Variants in DOCK10 observed in about 807,000 individuals in gnomAD.
The protein encoded by DOCK10 is dedicator of cytokinesis protein 10.
DOCK10 carries 145 observed loss-of-function variants against 280.1 expected under a neutral mutation model. The ratio of observed to expected loss-of-function variants is 0.52; its 90% confidence interval spans 0.45 to 0.59. The LOEUF (loss-of-function observed/expected upper bound fraction) is 0.59. Among genes scored for constraint, DOCK10 ranks in the 20% least tolerant of loss-of-function variants. The probability of loss-of-function intolerance (pLI) is 0.00; values close to 1 mark genes in which losing one functional copy is unlikely to be tolerated. For missense variants in DOCK10, 2,368 were observed against 2,651.7 expected (o/e 0.89, Z 2.35); for synonymous variants, 915 against 942.2 (o/e 0.97, Z 0.53).
At chr2:224,937,333 A>C (rs1052414927) in intron 1 of DOCK10, among the ~76,000 whole-genome samples, 2 of 152,138 alleles carry the variant, frequency 1.3e-5, no homozygotes, top group African/African-American at 4.8e-5. Context: ...AAGTATGAAA[A>C]GTGGTAAGTG....
intron 1 of DOCK10, among the ~76,000 whole-genome samples, chr2:224,997,917 G>A (rs1209457647): frequency 6.6e-6 from 1 of 152,164 alleles, no homozygotes; most frequent in African/African-American, 2.4e-5. Context: ...AGCCCAGGGG[G>A]CTACCAGAAG....
At chr2:224,842,543 T>C (rs1348002362) in intron 22 of DOCK10, among the ~76,000 whole-genome samples, 3 of 152,164 alleles carry the variant, frequency 2.0e-5, no homozygotes, top group Non-Finnish European at 4.4e-5. Context: ...CAGAAAGGCA[T>C]TTGTAGCTTG....
chr2:224,896,761 A>G (rs1320829873), intron 3 of DOCK10, among the ~76,000 whole-genome samples: 1 of 152,082 alleles, frequency 6.6e-6, no homozygotes, highest in Non-Finnish European at 1.5e-5. Flanking sequence ...TCAACTGCCT[A>G]AGCAAAAAGT....
chr2:224,766,157 T>A (rs1456627157), intron 55 of DOCK10, among the ~76,000 whole-genome samples: 1 of 152,242 alleles, frequency 6.6e-6, no homozygotes, highest in Non-Finnish European at 1.5e-5. Context: ...TAATTTATAT[T>A]GTCAGCATCT....
intron 1 of DOCK10, among the ~76,000 whole-genome samples, chr2:225,025,790 C>T (rs1266347905): frequency 6.6e-6 from 1 of 152,096 alleles, no homozygotes; most frequent in South Asian, 2.1e-4. Context: ...CAATGCATTA[C>T]CCTTTCAAAA....
chr2:224,991,080 C>T (rs1706115884), intron 1 of DOCK10, among the ~76,000 whole-genome samples: 1 of 152,202 alleles, frequency 6.6e-6, no homozygotes, highest in Non-Finnish European at 1.5e-5. Context: ...CAGCCAATTT[C>T]TACTGGAAGG....
intron 11 of DOCK10, among the ~76,000 whole-genome samples, chr2:224,871,407 C>T (rs79590122): frequency 6.6e-6 from 1 of 152,138 alleles, no homozygotes; most frequent in Non-Finnish European, 1.5e-5. Flanking sequence ...ACCCATTTCT[C>T]TCCTTCTCCC....
Position 224,958,276 on chromosome 2 carries a change from A to G in DOCK10, c.124-26608T>C, listed in dbSNP as rs535362027. On this transcript the variant is annotated intron_variant, in intron 1 of 55. Coordinates refer to ENST00000258390, the MANE Select transcript of DOCK10 (RefSeq NM_014689.3). ...GCGCTGCTACAGTGTATGGTTTATG[A>G]GTGCAGGATGATCCTAGCTGCTCAT... Among the ~76,000 whole-genome samples the G allele has an allele frequency of 1.7e-4, 26 of 152,324 alleles. No homozygotes were observed. The East Asian group carries it at 4.8e-3, about 28-fold the overall frequency.
intron 26 of DOCK10, among the ~76,000 whole-genome samples, chr2:224,831,790 C>G (rs1695256474): frequency 1.3e-5 from 2 of 152,158 alleles, no homozygotes; most frequent in South Asian, 4.1e-4. Context: ...TAGGGTTGCA[C>G]TCAGGCATCA....
chr2:224,881,053 C>T (rs1698946610), intron 7 of DOCK10, among the ~76,000 whole-genome samples: 1 of 152,110 alleles, frequency 6.6e-6, no homozygotes, highest in African/African-American at 2.4e-5. Context: ...ATTGAACTTA[C>T]CTTCTAGTGT....
chr2:225,039,520 T>C lies in DOCK10; in HGVS notation c.123+2732A>G, dbSNP rs185206329. Among the ~76,000 whole-genome samples the C allele has an allele frequency of 2.7e-4, 39 of 146,772 alleles. No individual in the cohort carries two copies. In the East Asian group the frequency reaches 5.4e-3, roughly 20 times the overall value. On this transcript the variant is annotated intron_variant, in intron 1 of 55. Transcript: ENST00000258390. The stretch of plus-strand genomic sequence containing the variant: ...GGAGTCTGCAAGTACATAAGCCTAC[T>C]ACATACAGTGCTTTGGGTAAAAACT...
At chr2:224,985,913 A>C (rs1705962231) in intron 1 of DOCK10, among the ~76,000 whole-genome samples, 1 of 152,232 alleles carries the variant, frequency 6.6e-6, no homozygotes, top group Non-Finnish European at 1.5e-5. Flanking sequence ...ATTTAATTTA[A>C]ATAAATAATG....
chr2:224,823,074 G>T (rs547671602), intron 28 of DOCK10, among the ~76,000 whole-genome samples: 8 of 140,708 alleles, frequency 5.7e-5, no homozygotes, highest in African/African-American at 7.9e-5. Context: ...TGCAACCTCC[G>T]CCTCCCAGGT....
At chr2:224,983,442 A>G (rs902761109) in intron 1 of DOCK10, 5 of 205,666 alleles carry the variant, frequency 2.4e-5, no homozygotes, top group African/African-American at 6.9e-5. Context: ...GAAATCCCCA[A>G]TAGAATTCAA....
chr2:224,958,837 C>G (rs1404538752), intron 1 of DOCK10, among the ~76,000 whole-genome samples: 2 of 152,140 alleles, frequency 1.3e-5, no homozygotes, highest in African/African-American at 2.4e-5. Context: ...ATGTTGTGAA[C>G]AGCAGAAAAG....
At chr2:224,849,381 C>T in intron 19 of DOCK10, 126 bp downstream of exon 19, 1 of 616,520 alleles carries the variant, frequency 1.6e-6, no homozygotes, top group East Asian at 2.8e-5. Flanking sequence ...TTGGTAAGTA[C>T]ATACCTGCCA....
chr2:224,964,139 T>C (rs1244187244), intron 1 of DOCK10, among the ~76,000 whole-genome samples: 2 of 152,324 alleles, frequency 1.3e-5, no homozygotes, highest in Middle Eastern at 3.4e-3. Flanking sequence ...TTATGTGTTT[T>C]CCTTGGTGAA....
intron 12 of DOCK10, 42 bp downstream of exon 12, chr2:224,864,824 T>A: frequency 6.2e-7 from 1 of 1,610,016 alleles, no homozygotes. Flanking sequence ...AGAATAATGG[T>A]ACAAGCATTT....
At chr2:224,954,018 A>G (rs1703911280) in intron 1 of DOCK10, among the ~76,000 whole-genome samples, 1 of 152,204 alleles carries the variant, frequency 6.6e-6, no homozygotes, top group Non-Finnish European at 1.5e-5. Flanking sequence ...GTATATAGGC[A>G]TAAAATTATC....
Sources: gnomAD v4.1 joint callset for allele counts (sites outside exome capture counted in the v4.1 genomes callset) on GRCh38, gnomAD v4.1.1 for gene constraint, MANE v1.5 for transcripts, NCBI Gene and HGNC (gene_info 2026-07-23, HGNC 2026-07-21) for gene names.